The following XXYLT1 variants were observed in gnomAD, a reference collection of about 807,000 sequenced individuals.
The protein encoded by XXYLT1 is UDP-xylose:alpha-xyloside alpha-1,3-xylosyltransferase.
Under a neutral mutation model 28.9 loss-of-function variants are expected in XXYLT1, and 20 were observed. The ratio of observed to expected loss-of-function variants is 0.69; its 90% CI spans 0.49 to 1.00. The LOEUF (loss-of-function observed/expected upper bound fraction) is 1.00. Ranked by LOEUF, XXYLT1 falls within the 50% of genes least tolerant of loss-of-function variation. The pLI, the probability that XXYLT1 is intolerant of heterozygous loss-of-function variation, is 0.00. For synonymous variants in XXYLT1, 257 were observed against 253.8 expected, an observed-to-expected ratio of 1.01 and a Z score of -0.12; for missense variants, 542 against 560.1, an observed-to-expected ratio of 0.97 and a Z score of 0.33.
rs766594615 is a variant in XXYLT1 at position 195,078,497 on chromosome 3, C to T, written c.786-8386G>A. On this transcript the variant is annotated intron_variant, in intron 3 of 3. Transcript: ENST00000310380. This position sits in a 1 kb window ranked among gnomAD's most constrained non-coding sequence, Gnocchi z 5.0. The stretch of plus-strand genomic sequence containing the variant: ...CTCTCGTGCCCTGGCCCTCTGGGCA[C>T]GAGATGTGTCCCACCAAGTTCCCTC... Among the ~76,000 whole-genome samples, 20 of 152,058 alleles carry T rather than the reference C, an allele frequency of 1.3e-4. No individual in the cohort carries two copies. Among genetic ancestry groups the T allele is most frequent in the Non-Finnish European group, 2.8e-4 (19 of 68,000 alleles).
intron 2 of XXYLT1, among the ~76,000 whole-genome samples, chr3:195,196,217 T>A (rs908881837): frequency 6.6e-6 from 1 of 151,006 alleles, no homozygotes; most frequent in South Asian, 2.1e-4. Flanking sequence ...TAATTTTCTT[T>A]ACTTTTAATT....
chr3:195,229,044 C>T (rs1724189497), intron 1 of XXYLT1, among the ~76,000 whole-genome samples: 1 of 152,008 alleles, frequency 6.6e-6, no homozygotes, highest in Non-Finnish European at 1.5e-5. Flanking sequence ...AACTCCTGAC[C>T]TCAGGTGATC....
intron 2 of XXYLT1, among the ~76,000 whole-genome samples, chr3:195,158,627 G>C (rs1720720875): frequency 1.3e-5 from 2 of 152,202 alleles, no homozygotes; most frequent in Admixed American, 6.5e-5. Context: ...GACTAGGAAG[G>C]AGACAGGCGG....
intron 3 of XXYLT1, among the ~76,000 whole-genome samples, chr3:195,088,462 G>T (rs376226463): frequency 7.0e-6 from 1 of 143,490 alleles, no homozygotes; most frequent in Non-Finnish European, 1.6e-5. Flanking sequence ...TGCAGCTGAG[G>T]GTCCTGTCTG....
chr3:195,196,597 C>T (rs1301287188), intron 2 of XXYLT1, among the ~76,000 whole-genome samples: 1 of 152,112 alleles, frequency 6.6e-6, no homozygotes, highest in Non-Finnish European at 1.5e-5. Flanking sequence ...GTCAGGCAGG[C>T]GATGAAAACA....
At chr3:195,270,275 G>C in intron 1 of XXYLT1, 1 of 640,372 alleles carries the variant, frequency 1.6e-6, no homozygotes, top group Non-Finnish European at 2.5e-6. Flanking sequence ...CAAAATGGGG[G>C]CGCGCGGACT....
rs1199150603 is a variant in XXYLT1, at chr3:195,210,307, G to A, written c.652+16402C>T. 6.6e-6 allele frequency among the ~76,000 whole-genome samples: 1 copy of A among 152,206 alleles called. No homozygotes were observed. Among genetic ancestry groups the A allele is most frequent in the Non-Finnish European group, 1.5e-5 (1 of 68,040 alleles). On this transcript the variant is annotated intron_variant, in intron 2 of 3. Coordinates refer to ENST00000310380, the MANE Select transcript of XXYLT1 (RefSeq NM_152531.5). This position sits in a 1 kb window ranked among gnomAD's most constrained non-coding sequence, Gnocchi z 4.8. ...ACCTCTCGCCTCTTGCTCCCTGTGT[G>A]ACACCCACTCACTTGGGGTCCCTCC...
rs1321777791 is a variant in XXYLT1 at position 195,244,312 on chromosome 3, C to T, written c.505-17456G>A. On this transcript the variant is annotated intron_variant, in intron 1 of 3. Transcript: ENST00000310380. ...CCAGCAAGCCTGCAAGCTTCACCCT[C>T]GCTGCAAGGAGGGCAGCTCTGGGTC... Among the ~76,000 whole-genome samples, 7 of 152,320 alleles carry T rather than the reference C, an allele frequency of 4.6e-5. No homozygotes were observed. In the East Asian group the frequency reaches 5.8e-4, roughly 13 times the overall value.
intron 3 of XXYLT1, among the ~76,000 whole-genome samples, chr3:195,110,879 G>GTGTGGTC: frequency 2.1e-5 from 1 of 48,208 alleles, no homozygotes; most frequent in Non-Finnish European, 5.0e-5. Context: ...GGTGTGTGGT[G>GTGTGGTC]TATGTGTGCG....
intron 2 of XXYLT1, among the ~76,000 whole-genome samples, chr3:195,193,663 C>T (rs922219233): frequency 6.6e-5 from 10 of 152,078 alleles, no homozygotes; most frequent in Admixed American, 2.6e-4. Context: ...GAAATCCAGA[C>T]GGTGTGATAC....
intron 1 of XXYLT1, among the ~76,000 whole-genome samples, chr3:195,249,652 A>C (rs1725174854): frequency 1.3e-5 from 2 of 152,080 alleles, no homozygotes; most frequent in Non-Finnish European, 2.9e-5. Flanking sequence ...TCCAGAACAC[A>C]CTCAACCTTT....
At position 195,270,840 on chromosome 3, in the gene XXYLT1, TA is replaced by T. The variant is rs1433891273; in HGVS notation, c.218del (p.Leu73GlnfsTer30). On this transcript the variant is annotated frameshift_variant, in exon 1 of 4. Coordinates refer to ENST00000310380, the MANE Select transcript of XXYLT1 (RefSeq NM_152531.5). LOFTEE classifies it high-confidence loss of function. ...GGGCTGGCGCCACGGAGCCCCGCGC[TA>T]GCTCCAGCGCGGGCGGCGAGGGCGC... is the stretch of plus-strand genomic sequence containing the variant. ...PAAPSPPALE[L>X]ARGSVAPAPG... The T allele has an allele frequency of 6.9e-7, 1 of 1,450,218 alleles. No individual in the cohort carries two copies. Among genetic ancestry groups the T allele is most frequent in the Non-Finnish European group, 9.1e-7 (1 of 1,103,042 alleles). 89.8% of individuals were successfully genotyped at this position (1,450,218 alleles called of 1,614,324 possible).
At chr3:195,222,134 A>G (rs1723853934) in intron 2 of XXYLT1, among the ~76,000 whole-genome samples, 1 of 152,228 alleles carries the variant, frequency 6.6e-6, no homozygotes, top group Non-Finnish European at 1.5e-5. Context: ...CCCAGAAGAC[A>G]GGCAAGGATG....
At chr3:195,169,651 G>GC (rs761207467) in intron 2 of XXYLT1, among the ~76,000 whole-genome samples, 72 of 151,496 alleles carry the variant, frequency 4.8e-4, no homozygotes, top group Middle Eastern at 6.8e-3. Context: ...TTGGGCTATA[G>GC]CCCCCCCCAT....
chr3:195,119,390 T>C (rs999004389), intron 3 of XXYLT1, among the ~76,000 whole-genome samples: 3 of 151,932 alleles, frequency 2.0e-5, no homozygotes, highest in African/African-American at 7.3e-5. Context: ...GATTGCTGTA[T>C]AAATATGACT....
rs983117876 is a variant in XXYLT1 at position 195,068,625 on chromosome 3, C to G, written c.*1090G>C. The G allele has an allele frequency of 1.1e-4, 17 of 148,480 alleles. 1 individual carries two copies. Among genetic ancestry groups the G allele is most frequent in the Non-Finnish European group, 3.0e-5 (2 of 67,494 alleles). 9.2% of individuals were successfully genotyped at this position (148,480 alleles called of 1,614,324 possible). A position where few individuals can be genotyped will look rare whatever the true frequency, so the allele number is the denominator to read the frequency against. On this transcript the variant is annotated 3_prime_UTR_variant, in exon 4 of 4. Transcript: ENST00000310380. ...TGAGATGGACGTCTCACTCTGTCGT[C>G]CAGGCTGGAGTGCAGTGGTGTGATC...
At chr3:195,258,114 C>T (rs1725545968) in intron 1 of XXYLT1, among the ~76,000 whole-genome samples, 1 of 152,214 alleles carries the variant, frequency 6.6e-6, no homozygotes, top group Admixed American at 6.5e-5. Context: ...CTCAGGGAGC[C>T]TGGCCACCTG....
At chr3:195,110,722 GT>G (rs1717628144) in intron 3 of XXYLT1, among the ~76,000 whole-genome samples, 1 of 144,940 alleles carries the variant, frequency 6.9e-6, no homozygotes, top group Non-Finnish European at 1.5e-5. Flanking sequence ...TGTGGTGTGT[GT>G]GTGTGTGCTG....
intron 1 of XXYLT1, among the ~76,000 whole-genome samples, chr3:195,261,539 C>G (rs777242552): frequency 5.6e-4 from 85 of 152,308 alleles, no homozygotes; most frequent in Middle Eastern, 6.8e-3. Flanking sequence ...AGACTTCATA[C>G]TGGTAAACAT....
Sources: gnomAD v4.1 joint callset for allele counts (sites outside exome capture counted in the v4.1 genomes callset) on GRCh38, gnomAD v4.1.1 for gene constraint, Gnocchi (gnomAD v3.1) non-coding constraint, MANE v1.5 for transcripts, NCBI Gene and HGNC (gene_info 2026-07-23, HGNC 2026-07-21) for gene names.